NCAM1: variants seen among roughly 807,000 people sequenced by gnomAD.
NCAM1 encodes neural cell adhesion molecule 1, also known as antigen recognized by monoclonal antibody 5.1H11.
NCAM1 carries 14 observed loss-of-function variants against 109.8 expected under a neutral mutation model. The ratio of observed to expected loss-of-function variants is 0.13; its 90% CI spans 0.08 to 0.20. NCAM1 has a LOEUF of 0.20. Among genes scored for constraint, NCAM1 ranks in the 10% least tolerant of loss-of-function variants. The pLI is 1.00. For missense variants in NCAM1, 774 were observed against 1,109.9 expected (o/e 0.70, Z 4.30); for synonymous variants, 418 against 442.9 (o/e 0.94, Z 0.70).
At chr11:113,030,571 A>T (rs965468208) in intron 1 of NCAM1, among the ~76,000 whole-genome samples, 11 of 152,314 alleles carry the variant, frequency 7.2e-5, no homozygotes, top group African/African-American at 2.6e-4. Flanking sequence ...TGGTGAGATT[A>T]TCAATCTCAC....
intron 1 of NCAM1, among the ~76,000 whole-genome samples, chr11:113,014,077 A>G (rs1397375003): frequency 2.6e-5 from 4 of 152,144 alleles, no homozygotes; most frequent in African/African-American, 9.6e-5. Context: ...TGGGGAAGGT[A>G]CATTTCTAAT....
intron 1 of NCAM1, among the ~76,000 whole-genome samples, chr11:113,051,201 A>G (rs7946527): frequency 0.19 from 29,456 of 152,200 alleles, 3,110 homozygotes; most frequent in East Asian, 0.46. Flanking sequence ...AACTGCTACT[A>G]TAGAGGGTCT....
rs180823827 is a variant in NCAM1 at position 113,113,161 on chromosome 11, A to C, written c.53-89218A>C. 3.1e-4 allele frequency among the ~76,000 whole-genome samples: 47 copies of C among 152,290 alleles called. No homozygotes were observed. The East Asian group carries it at 8.9e-3, about 29-fold the overall frequency. The stretch of plus-strand genomic sequence containing the variant: ...AAAAATTAAATAAAATAAAGTCTGC[A>C]TGAGTCCAATTAGCTACCGTGTTTC... On this transcript the variant is annotated intron_variant, in intron 1 of 19. Transcript: ENST00000316851.
chr11:113,075,436 A>G (rs781951136), intron 1 of NCAM1, among the ~76,000 whole-genome samples: 1 of 152,204 alleles, frequency 6.6e-6, no homozygotes, highest in Non-Finnish European at 1.5e-5. Context: ...GGAAAGCTGC[A>G]TATGGCATCT....
intron 1 of NCAM1, among the ~76,000 whole-genome samples, chr11:113,116,767 C>G (rs1940732693): frequency 6.6e-6 from 1 of 151,186 alleles, no homozygotes; most frequent in African/African-American, 2.5e-5. Flanking sequence ...TGACATTCTT[C>G]AAGAGGCTCT....
intron 1 of NCAM1, among the ~76,000 whole-genome samples, chr11:113,131,664 C>T (rs1301012135): frequency 1.3e-5 from 2 of 152,194 alleles, no homozygotes; most frequent in Non-Finnish European, 2.9e-5. Flanking sequence ...GGCTGTGCTC[C>T]ACACAGTCAT....
At chr11:113,056,924 A>G (rs12273600) in intron 1 of NCAM1, among the ~76,000 whole-genome samples, 1 of 152,242 alleles carries the variant, frequency 6.6e-6, no homozygotes, top group Admixed American at 6.5e-5. Flanking sequence ...TGAGACTTAC[A>G]TTCATAGAAT....
At position 113,277,182 on chromosome 11, in the gene NCAM1, A is replaced by G. The variant is rs2137830997; in HGVS notation, c.*1795A>G. 3 of 397,140 alleles carry G rather than the reference A, an allele frequency of 7.6e-6. No individual in the cohort carries two copies. The highest frequency in any genetic ancestry group is 8.9e-6 in the Non-Finnish European group (2 of 225,440). The allele number at this position is 397,140 out of a possible 1,614,324, so 24.6% of individuals were successfully genotyped here. The stretch of plus-strand genomic sequence containing the variant: ...CTCTCCTAAGGTACAAAGCAGCAAG[A>G]GGTTAGGGTGGCAAGGCTGCCTCTG... On this transcript the variant is annotated 3_prime_UTR_variant, in exon 20 of 20. Transcript: ENST00000316851.
intron 1 of NCAM1, among the ~76,000 whole-genome samples, chr11:113,180,951 T>C (rs1484168620): frequency 6.6e-6 from 1 of 152,196 alleles, no homozygotes; most frequent in African/African-American, 2.4e-5. Flanking sequence ...AGTTAAACGC[T>C]TCGGTGTTGA....
At chr11:113,264,497 A>C (rs1465758243) in intron 17 of NCAM1, 2 of 985,588 alleles carry the variant, frequency 2.0e-6, no homozygotes, top group Non-Finnish European at 2.4e-6. Flanking sequence ...ACACCAGGGC[A>C]GTGGAGGCAG....
chr11:113,162,447 G>C (rs1942632702), intron 1 of NCAM1, among the ~76,000 whole-genome samples: 1 of 152,174 alleles, frequency 6.6e-6, no homozygotes, highest in South Asian at 2.1e-4. Flanking sequence ...CAAGGCGCCT[G>C]CTGTTATCTT....
chr11:113,192,075 A>G (rs1439913042), intron 1 of NCAM1, among the ~76,000 whole-genome samples: 2 of 152,268 alleles, frequency 1.3e-5, no homozygotes, highest in African/African-American at 4.8e-5. Flanking sequence ...ACTTCTTGCC[A>G]TGTTGGCAAA....
intron 1 of NCAM1, among the ~76,000 whole-genome samples, chr11:113,038,638 C>T (rs1410384300): frequency 6.6e-6 from 1 of 152,148 alleles, no homozygotes; most frequent in South Asian, 2.1e-4. Flanking sequence ...GACAGAGAGA[C>T]GGTGCTGTGG....
chr11:112,979,985 C>G (rs1263369133), intron 1 of NCAM1, among the ~76,000 whole-genome samples: 2 of 151,704 alleles, frequency 1.3e-5, no homozygotes, highest in African/African-American at 4.8e-5. Flanking sequence ...GATGAAAACA[C>G]TCATTAAATA....
At chr11:113,172,918 A>G (rs781884948) in intron 1 of NCAM1, among the ~76,000 whole-genome samples, 14 of 152,200 alleles carry the variant, frequency 9.2e-5, no homozygotes, top group Non-Finnish European at 1.8e-4. Flanking sequence ...CTGGGATCGA[A>G]CTGAGATGCA....
intron 1 of NCAM1, among the ~76,000 whole-genome samples, chr11:113,069,407 C>G (rs1483555217): frequency 6.6e-6 from 1 of 152,110 alleles, no homozygotes; most frequent in Non-Finnish European, 1.5e-5. Context: ...CATGACGAAG[C>G]CTCAGTGACA....
At chr11:113,002,763 T>G (rs1201213648) in intron 1 of NCAM1, among the ~76,000 whole-genome samples, 1 of 152,232 alleles carries the variant, frequency 6.6e-6, no homozygotes, top group Non-Finnish European at 1.5e-5. Context: ...GTAGACACCT[T>G]GAGGACTCCT....
intron 1 of NCAM1, among the ~76,000 whole-genome samples, chr11:113,010,640 A>T: frequency 6.6e-6 from 1 of 152,096 alleles, no homozygotes; most frequent in Non-Finnish European, 1.5e-5. Flanking sequence ...CCTGCTCTCT[A>T]TTTTTCTTTT....
At chr11:113,131,272 C>G (rs1941371171) in intron 1 of NCAM1, among the ~76,000 whole-genome samples, 1 of 152,152 alleles carries the variant, frequency 6.6e-6, no homozygotes, top group Admixed American at 6.5e-5. Context: ...TGAGCCCTGT[C>G]ATGGCCTGTC....
Sources: allele counts gnomAD v4.1 joint callset (sites outside exome capture counted in the v4.1 genomes callset), GRCh38; gene constraint gnomAD v4.1.1; transcripts MANE v1.5; gene names NCBI Gene and HGNC (gene_info 2026-07-23, HGNC 2026-07-21).